CAMK1D: variants seen among roughly 807,000 people sequenced by gnomAD.
CAMK1D encodes calcium/calmodulin-dependent protein kinase type 1D.
In CAMK1D, 9 loss-of-function variants were observed where a neutral mutation model predicts 47.7. The ratio of observed to expected loss-of-function variants is 0.19; its 90% confidence interval spans 0.11 to 0.33. The LOEUF (loss-of-function observed/expected upper bound fraction) is 0.33, where lower values mean the gene tolerates loss of function less well. Among genes scored for constraint, CAMK1D ranks in the 10% least tolerant of loss-of-function variants. The pLI is 1.00. For missense variants in CAMK1D, 291 were observed against 488.7 expected (o/e 0.60, Z 3.81); for synonymous variants, 184 against 184.9 (o/e 0.99, Z 0.04).
intron 3 of CAMK1D, among the ~76,000 whole-genome samples, chr10:12,713,173 C>T (rs1295923182): frequency 2.0e-5 from 3 of 151,998 alleles, no homozygotes; most frequent in South Asian, 2.1e-4. Flanking sequence ...CAGGTTCAAG[C>T]GATTCTCCTG....
At chr10:12,720,511 C>G (rs1325237435) in intron 3 of CAMK1D, among the ~76,000 whole-genome samples, 1 of 152,204 alleles carries the variant, frequency 6.6e-6, no homozygotes, top group Non-Finnish European at 1.5e-5. Context: ...AATCTTTCAA[C>G]CCACTCATTG....
At chr10:12,431,132 A>G (rs1364315286) in intron 1 of CAMK1D, among the ~76,000 whole-genome samples, 1 of 152,236 alleles carries the variant, frequency 6.6e-6, no homozygotes, top group Non-Finnish European at 1.5e-5. Context: ...TATTTTTTAA[A>G]AAATTATGCT....
At chr10:12,633,428 C>A (rs191773287) in intron 2 of CAMK1D, among the ~76,000 whole-genome samples, 17 of 152,190 alleles carry the variant, frequency 1.1e-4, no homozygotes, top group African/African-American at 4.1e-4. Context: ...AGAAGGTCAA[C>A]TTCAAGTGCA....
rs118113880 is a variant in CAMK1D at position 12,588,811 on chromosome 10, T to C, written c.224+35455T>C. Among the ~76,000 whole-genome samples the C allele has an allele frequency of 4.1e-3, 542 of 133,156 alleles. 5 individuals carry two copies. Among genetic ancestry groups the C allele is most frequent in the African/African-American group, 0.013 (435 of 32,560 alleles). 87.4% of individuals were successfully genotyped at this position (133,156 alleles called of 152,430 possible). A position where few individuals can be genotyped will look rare whatever the true frequency, so the allele number is the denominator to read the frequency against. On this transcript the variant is annotated intron_variant, in intron 2 of 10. Coordinates refer to ENST00000619168, the MANE Select transcript of CAMK1D (RefSeq NM_153498.4). ...ATATACACACACACACACACACACATACACACATGCACATACATATATATG... is the reference window on the plus strand; with the variant it reads ...ATATACACACACACACACACACACACACACACATGCACATACATATATATG...
rs562176558 is a variant in CAMK1D, at chr10:12,574,497, T to A, written c.224+21141T>A. 6.5e-3 allele frequency among the ~76,000 whole-genome samples: 837 copies of A among 128,588 alleles called. 6 individuals carry two copies. Among genetic ancestry groups the A allele is most frequent in the African/African-American group, 9.3e-3 (302 of 32,480 alleles). 84.4% of individuals were successfully genotyped at this position (128,588 alleles called of 152,430 possible). ...TTTTTTTTTTTTTTTTTTTTTTTTT[T>A]AGTAGAGACGGGGCTTCGCCATGTT... On this transcript the variant is annotated intron_variant, in intron 2 of 10. Transcript: ENST00000619168.
At chr10:12,407,068 C>G (rs1455746752) in intron 1 of CAMK1D, among the ~76,000 whole-genome samples, 3 of 152,216 alleles carry the variant, frequency 2.0e-5, no homozygotes, top group Non-Finnish European at 1.5e-5. Flanking sequence ...TCTCCTCTTC[C>G]TCTGTCCCTG....
rs544158944 is a variant in CAMK1D, at chr10:12,418,967, C to T, written c.92+69057C>T. Reference sequence around the variant, plus strand: ...GTCGCGGGCGTGGTGTGTCCGAAGCCGTTGCTCACAGAACACTTAAGAGCA... The same window carrying T: ...GTCGCGGGCGTGGTGTGTCCGAAGCTGTTGCTCACAGAACACTTAAGAGCA... On this transcript the variant is annotated intron_variant, in intron 1 of 10. Transcript: ENST00000619168. 6.6e-5 allele frequency among the ~76,000 whole-genome samples: 10 copies of T among 152,270 alleles called. No homozygotes were observed. In the East Asian group the frequency reaches 1.5e-3, roughly 23 times the overall value.
At chr10:12,729,027 G>A (rs750329785) in intron 3 of CAMK1D, among the ~76,000 whole-genome samples, 7 of 152,220 alleles carry the variant, frequency 4.6e-5, no homozygotes, top group Non-Finnish European at 8.8e-5. Flanking sequence ...AAACTGAAAA[G>A]TCAGTGAAAT....
At chr10:12,713,077 C>T (rs1332901582) in intron 3 of CAMK1D, among the ~76,000 whole-genome samples, 1 of 148,266 alleles carries the variant, frequency 6.7e-6, no homozygotes, top group Non-Finnish European at 1.5e-5. Context: ...GGGTGCCTCC[C>T]TTTTTTTTTT....
intron 1 of CAMK1D, among the ~76,000 whole-genome samples, chr10:12,430,411 A>T (rs1256509833): frequency 6.6e-6 from 1 of 152,218 alleles, no homozygotes; most frequent in Non-Finnish European, 1.5e-5. Context: ...GTGAGTTTTT[A>T]TATCTGATGA....
At chr10:12,815,645 C>T (rs1832763457) in intron 7 of CAMK1D, among the ~76,000 whole-genome samples, 1 of 152,254 alleles carries the variant, frequency 6.6e-6, no homozygotes, top group Non-Finnish European at 1.5e-5. Flanking sequence ...CCACCCAGCC[C>T]CTCACTTTCC....
intron 2 of CAMK1D, among the ~76,000 whole-genome samples, chr10:12,630,826 A>G (rs1254322281): frequency 6.6e-6 from 1 of 152,066 alleles, no homozygotes; most frequent in African/African-American, 2.4e-5. Context: ...GCACTGCACA[A>G]TGTAGCAACT....
rs1430073489 is a variant in CAMK1D at position 12,684,422 on chromosome 10, G to A, written c.299+17612G>A. Among the ~76,000 whole-genome samples, 3 of 152,172 alleles carry A rather than the reference G, an allele frequency of 2.0e-5. No individual in the cohort carries two copies. In the South Asian group the frequency reaches 6.2e-4, roughly 32 times the overall value. ...ATTTTCTGCTGAATTATGCCAAGTC[G>A]TTTGGAAGAACAGGCTCCAGGTATT... On this transcript the variant is annotated intron_variant, in intron 3 of 10. Coordinates refer to ENST00000619168, the MANE Select transcript of CAMK1D (RefSeq NM_153498.4).
At chr10:12,732,769 TG>T (rs2130816508) in intron 3 of CAMK1D, among the ~76,000 whole-genome samples, 1 of 145,436 alleles carries the variant, frequency 6.9e-6, no homozygotes, top group Admixed American at 7.1e-5. Flanking sequence ...CCTATCAATC[TG>T]GTTCACAGCA....
intron 1 of CAMK1D, among the ~76,000 whole-genome samples, chr10:12,550,806 G>A (rs1836552337): frequency 6.6e-6 from 1 of 152,204 alleles, no homozygotes; most frequent in South Asian, 2.1e-4. Flanking sequence ...CCCTGGGCTT[G>A]TATAATTAAA....
intron 1 of CAMK1D, among the ~76,000 whole-genome samples, chr10:12,547,647 C>CA (rs1554786337): frequency 8.9e-6 from 1 of 112,268 alleles, no homozygotes; most frequent in African/African-American, 3.5e-5. Context: ...ACACCCCCCC[C>CA]CCAACCCTGC....
chr10:12,607,312 A>G (rs1838492546), intron 2 of CAMK1D, among the ~76,000 whole-genome samples: 1 of 152,156 alleles, frequency 6.6e-6, no homozygotes, highest in Non-Finnish European at 1.5e-5. Flanking sequence ...CATTCTGTGC[A>G]TTAGTGAGGC....
intron 1 of CAMK1D, among the ~76,000 whole-genome samples, chr10:12,530,594 G>A (rs937366263): frequency 3.9e-5 from 6 of 152,312 alleles, no homozygotes; most frequent in East Asian, 1.9e-4. Context: ...GGAATGTTTT[G>A]TGGGATCTTG....
chr10:12,592,145 A>G (rs9787535), intron 2 of CAMK1D, among the ~76,000 whole-genome samples: 9,670 of 152,194 alleles, frequency 0.064, 714 homozygotes, highest in East Asian at 0.3. Context: ...GACAGGAGAG[A>G]AGGTTGGGCC....
Sources: allele counts gnomAD v4.1 joint callset (sites outside exome capture counted in the v4.1 genomes callset), GRCh38; gene constraint gnomAD v4.1.1; transcripts MANE v1.5; gene names NCBI Gene and HGNC (gene_info 2026-07-23, HGNC 2026-07-21).